Variants in CNTN3 observed in about 807,000 individuals in gnomAD.
CNTN3 encodes the protein contactin-3.
A neutral mutation model predicts 119.1 loss-of-function variants in CNTN3; 60 were observed. The ratio of observed to expected loss-of-function variants is 0.50; its 90% CI spans 0.41 to 0.62. The LOEUF is 0.62. Ranked by LOEUF, CNTN3 falls within the 20% of genes least tolerant of loss-of-function variation. The pLI is 0.00. For missense variants in CNTN3, 1,101 were observed against 1,242.4 expected, an observed-to-expected ratio of 0.89 and a Z score of 1.71; for synonymous variants, 450 against 438.7, an observed-to-expected ratio of 1.03 and a Z score of -0.32.
chr3:74,392,999 T>C (rs1439311691), intron 5 of CNTN3, among the ~76,000 whole-genome samples: 3 of 152,154 alleles, frequency 2.0e-5, no homozygotes, highest in African/African-American at 7.2e-5. Context: ...TCTAATTACC[T>C]ATCTTAATTC....
At position 74,344,396 on chromosome 3, in the gene CNTN3, G is replaced by GTTTTT. The variant is rs1274539668; in HGVS notation, c.1365-7739_1365-7738insAAAAA. Among the ~76,000 whole-genome samples the GTTTTT allele has an allele frequency of 2.3e-5, 2 of 87,812 alleles. 1 individual carries two copies. 57.6% of individuals were successfully genotyped at this position (87,812 alleles called of 152,430 possible). On this transcript the variant is annotated intron_variant, in intron 11 of 22. Coordinates refer to ENST00000263665, the MANE Select transcript of CNTN3 (RefSeq NM_020872.3). Reference sequence around the variant, plus strand: ...TAGTTCATTTACAACCTTACACAGTGGTTTTTTTTTTTTTTTTTTTTTTTT... The same window carrying GTTTTT: ...TAGTTCATTTACAACCTTACACAGTGTTTTTGTTTTTTTTTTTTTTTTTTTTTTTT...
At chr3:74,300,796 A>G (rs1027221045) in intron 16 of CNTN3, among the ~76,000 whole-genome samples, 9 of 152,194 alleles carry the variant, frequency 5.9e-5, no homozygotes. Flanking sequence ...TTAGGTCTCA[A>G]TTGTCCCTAT....
chr3:74,409,319 A>G (rs1701399992), intron 5 of CNTN3, among the ~76,000 whole-genome samples: 1 of 152,200 alleles, frequency 6.6e-6, no homozygotes, highest in Admixed American at 6.5e-5. Context: ...ATGCCTGATC[A>G]CACTGTACCC....
At chr3:74,426,151 T>C (rs959950021) in intron 4 of CNTN3, among the ~76,000 whole-genome samples, 1 of 152,140 alleles carries the variant, frequency 6.6e-6, no homozygotes, top group Non-Finnish European at 1.5e-5. Context: ...ACTTCATTTT[T>C]AAAAATGCTT....
intron 5 of CNTN3, among the ~76,000 whole-genome samples, chr3:74,418,342 CTTTT>C (rs56258495): frequency 4.0e-5 from 4 of 99,622 alleles, no homozygotes; most frequent in Admixed American, 1.3e-4. Context: ...AAACATATTC[CTTTT>C]TTTTTTTTTT....
intron 1 of CNTN3, among the ~76,000 whole-genome samples, chr3:74,568,349 G>A (rs1208461984): frequency 6.6e-6 from 1 of 152,142 alleles, no homozygotes; most frequent in Non-Finnish European, 1.5e-5. Flanking sequence ...TCGTCCAAGT[G>A]GACAAAATTC....
At chr3:74,589,805 T>C (rs1461627899) in intron 1 of CNTN3, among the ~76,000 whole-genome samples, 1 of 151,510 alleles carries the variant, frequency 6.6e-6, no homozygotes, top group East Asian at 1.9e-4. Flanking sequence ...ATGTCCTTTG[T>C]AGGGACATGG....
At chr3:74,425,458 G>C (rs955170242) in intron 4 of CNTN3, among the ~76,000 whole-genome samples, 1 of 152,204 alleles carries the variant, frequency 6.6e-6, no homozygotes, top group Non-Finnish European at 1.5e-5. Context: ...AAAGCTTCTA[G>C]AAATTCAGCA....
chr3:74,591,070 C>G (rs1704694491), intron 1 of CNTN3, among the ~76,000 whole-genome samples: 1 of 151,994 alleles, frequency 6.6e-6, no homozygotes, highest in African/African-American at 2.4e-5. Context: ...GCAACCTCAT[C>G]TTAGATTCCG....
chr3:74,453,982 G>A (rs1256984053), intron 4 of CNTN3, among the ~76,000 whole-genome samples: 8 of 150,554 alleles, frequency 5.3e-5, no homozygotes, highest in East Asian at 3.9e-4. Context: ...AAAAATGTAT[G>A]TTCTGTTGAT....
At chr3:74,415,005 G>A (rs1049699886) in intron 5 of CNTN3, among the ~76,000 whole-genome samples, 1 of 150,008 alleles carries the variant, frequency 6.7e-6, no homozygotes, top group Non-Finnish European at 1.5e-5. Context: ...AGAAAACATC[G>A]GTCAGGACTC....
intron 11 of CNTN3, among the ~76,000 whole-genome samples, chr3:74,345,209 T>C (rs1703661838): frequency 6.6e-6 from 1 of 152,178 alleles, no homozygotes; most frequent in South Asian, 2.1e-4. Flanking sequence ...TTCAATTTGC[T>C]TTCCCAGTAA....
rs767014008 is a variant in CNTN3 at position 74,298,204 on chromosome 3, GAC to G, written c.2167-15_2167-14del. The G allele has an allele frequency of 2.6e-6, 4 of 1,533,890 alleles. No homozygotes were observed. The highest frequency in any genetic ancestry group is 3.5e-6 in the Non-Finnish European group (4 of 1,131,826). ...CTTCAGGGACTGGCTATAAAGGAAA[GAC>G]ATACTGAATCACCCTTACACATAAG... On this transcript the variant is annotated splice_polypyrimidine_tract_variant and intron_variant, in intron 17 of 22. Transcript: ENST00000263665.
chr3:74,550,707 T>C (rs775365802), intron 1 of CNTN3, among the ~76,000 whole-genome samples: 2 of 152,078 alleles, frequency 1.3e-5, no homozygotes, highest in Non-Finnish European at 2.9e-5. Flanking sequence ...CCCAGGTAAG[T>C]TTTCAAAATG....
chr3:74,329,044 T>C (rs917887986), intron 13 of CNTN3, among the ~76,000 whole-genome samples: 1 of 152,244 alleles, frequency 6.6e-6, no homozygotes, highest in Non-Finnish European at 1.5e-5. Context: ...TAAAATTGTT[T>C]ACATAGTTAT....
intron 4 of CNTN3, among the ~76,000 whole-genome samples, chr3:74,458,482 T>C (rs575855295): frequency 6.6e-6 from 1 of 151,996 alleles, no homozygotes; most frequent in African/African-American, 2.4e-5. Flanking sequence ...ATGAGTATAG[T>C]TTTATTGGAA....
chr3:74,591,500 T>C (rs1704702309), intron 1 of CNTN3, among the ~76,000 whole-genome samples: 1 of 151,904 alleles, frequency 6.6e-6, no homozygotes. Flanking sequence ...ATTCATACAG[T>C]ACTGTGTAGG....
rs1704275752 is a variant in CNTN3, at chr3:74,369,224, C to T, written c.911G>A (p.Gly304Glu). 2 of 1,606,490 alleles carry T rather than the reference C, an allele frequency of 1.2e-6. No individual in the cohort carries two copies. The highest frequency in any genetic ancestry group is 1.3e-5 in the African/African-American group (1 of 74,434). Residue 304 changes from glycine (G) to glutamate (E), a missense_variant, in exon 8 of 23, where the codon GGA becomes GAA. Transcript: ENST00000263665. The stretch of plus-strand genomic sequence containing the variant: ...GAGACGCCCTCTGGCAACATTTTTT[C>T]CTCGTGAATTCTCAGCAATGCATTC... ...SYECIAENSR[G>E]KNVARGRLTY...
intron 1 of CNTN3, among the ~76,000 whole-genome samples, chr3:74,575,758 GC>G (rs1356707568): frequency 3.3e-5 from 5 of 151,766 alleles, no homozygotes; most frequent in African/African-American, 1.2e-4. Context: ...TTTCATAGTG[GC>G]TGTCTTAAAC....
Sources: allele counts gnomAD v4.1 joint callset (sites outside exome capture counted in the v4.1 genomes callset), GRCh38; gene constraint gnomAD v4.1.1; transcripts MANE v1.5; gene names NCBI Gene and HGNC (gene_info 2026-07-23, HGNC 2026-07-21).